The following ARPC2 variants were observed in gnomAD, a reference collection of about 807,000 sequenced individuals.
ARPC2 encodes the protein actin related protein 2/3 complex subunit 2, also known as actin-related protein 2/3 complex subunit 2.
A neutral mutation model predicts 38.6 loss-of-function variants in ARPC2; 4 were observed. The observed-to-expected ratio is 0.10, with a 90% CI of 0.05 to 0.24. The LOEUF (loss-of-function observed/expected upper bound fraction) is 0.24, where lower values mean the gene tolerates loss of function less well. Ranked by LOEUF, ARPC2 falls within the 10% of genes least tolerant of loss-of-function variation. ARPC2 has a pLI of 1.00. For synonymous variants in ARPC2, 125 were observed against 140.8 expected, an observed-to-expected ratio of 0.89 and a Z score of 0.79; for missense variants, 229 against 387.3, an observed-to-expected ratio of 0.59 and a Z score of 3.43.
At position 218,254,070 on chromosome 2, in the gene ARPC2, C is replaced by T. The variant is rs899644688; in HGVS notation, c.*155C>T. The T allele has an allele frequency of 3.6e-5, 29 of 810,656 alleles. No individual in the cohort carries two copies. Among genetic ancestry groups the T allele is most frequent in the South Asian group, 1.2e-4 (6 of 49,082 alleles). 50.2% of individuals were successfully genotyped at this position (810,656 alleles called of 1,614,324 possible). On this transcript the variant is annotated 3_prime_UTR_variant, in exon 11 of 11. Transcript: ENST00000315717. ...ACGTTTGGAAAATAATCTGCAGAAA[C>T]GAGCTGTGCTTGCAAAGACTTCATA...
chr2:218,245,832 A>T (rs12996912), intron 8 of ARPC2, among the ~76,000 whole-genome samples: 2 of 151,924 alleles, frequency 1.3e-5, no homozygotes, highest in Non-Finnish European at 2.9e-5. Flanking sequence ...GGTCCCTTCA[A>T]TAGTTCAGCT....
chr2:218,253,082 G>A (rs955237700), intron 10 of ARPC2: 53 of 434,716 alleles, frequency 1.2e-4, no homozygotes, highest in African/African-American at 7.3e-4. Context: ...AGGAACCCTC[G>A]ATGGGCCGCC....
intron 5 of ARPC2, chr2:218,236,827 TG>T (rs1689784647): frequency 6.6e-6 from 1 of 152,078 alleles, no homozygotes; most frequent in African/African-American, 2.4e-5. Context: ...GGAATGCTTT[TG>T]GGAAAAAATG....
chr2:218,234,532 A>T, intron 5 of ARPC2, 135 bp downstream of exon 5: 1 of 747,872 alleles, frequency 1.3e-6, no homozygotes, highest in South Asian at 1.9e-5. Context: ...CCTAATTTCA[A>T]CTCCGTCCAT....
intron 4 of ARPC2, among the ~76,000 whole-genome samples, chr2:218,231,927 G>A (rs72949328): frequency 0.026 from 3,680 of 142,914 alleles, 72 homozygotes; most frequent in Non-Finnish European, 0.043. Context: ...AACGTAGTGA[G>A]ACCCTGTCTT....
At chr2:218,225,868 G>C in intron 2 of ARPC2, 52 bp from the exon 3 acceptor site, 1 of 1,589,978 alleles carries the variant, frequency 6.3e-7, no homozygotes, top group South Asian at 1.1e-5. Context: ...TCCCTTTGAA[G>C]GTAAGCAGCA....
chr2:218,250,402 G>A (rs1013837326), intron 10 of ARPC2, among the ~76,000 whole-genome samples: 1 of 152,102 alleles, frequency 6.6e-6, no homozygotes, highest in East Asian at 1.9e-4. Context: ...TGTGGCTCAC[G>A]CCTGTAATCC....
chr2:218,227,057 C>T, intron 3 of ARPC2: 1 of 456,314 alleles, frequency 2.2e-6, no homozygotes, highest in Non-Finnish European at 4.4e-6. Flanking sequence ...ACAAGATGAT[C>T]TTGGAAGACT....
chr2:218,253,651 G>A (rs1690247961), intron 10 of ARPC2, among the ~76,000 whole-genome samples: 1 of 152,190 alleles, frequency 6.6e-6, no homozygotes, highest in Admixed American at 6.5e-5. Flanking sequence ...GTCCTTGTGG[G>A]CTTAACACTG....
chr2:218,227,177 G>C (rs943168522), intron 3 of ARPC2: 5 of 345,948 alleles, frequency 1.4e-5, no homozygotes, highest in Non-Finnish European at 2.4e-5. Flanking sequence ...GCTCCATAAA[G>C]TGATGGCACT....
intron 5 of ARPC2, chr2:218,236,520 C>A (rs955831506): frequency 6.6e-5 from 10 of 152,154 alleles, no homozygotes; most frequent in African/African-American, 2.2e-4. Flanking sequence ...CAGCCGGGCG[C>A]GGTGGCTTAT....
At chr2:218,246,488 C>A (rs529182701) in intron 8 of ARPC2, among the ~76,000 whole-genome samples, 8 of 152,084 alleles carry the variant, frequency 5.3e-5, no homozygotes, top group Non-Finnish European at 8.8e-5. Context: ...TGAGATCACA[C>A]CATTGCACTC....
In ARPC2 at chr2:218,239,434, A is replaced by G; in HGVS notation, c.499A>G (p.Thr167Ala). The G allele has an allele frequency of 6.2e-7, 1 of 1,614,164 alleles. No homozygotes were observed. The highest frequency in any genetic ancestry group is 8.5e-7 in the Non-Finnish European group (1 of 1,180,008). Residue 167 changes from threonine (T) to alanine (A), a missense_variant, in exon 7 of 11, where the codon ACA becomes GCA. Thr to Ala is a moderately conservative substitution (Grantham distance 58, BLOSUM62 0). This residue lies in a region of ARPC2 where 135 missense variants were observed against 214.1 expected (regional missense o/e 0.63). Transcript: ENST00000315717. ...KKDRVTVVFS[T>A]VFKDDDDVVI... Reference sequence around the variant, plus strand: ...GGACAGAGTCACAGTAGTCTTCAGCACAGTGTTTAAGGATGACGACGATGT... The same window carrying G: ...GGACAGAGTCACAGTAGTCTTCAGCGCAGTGTTTAAGGATGACGACGATGT...
intron 10 of ARPC2, among the ~76,000 whole-genome samples, chr2:218,251,208 TGTTTTTG>T (rs1266513515): frequency 6.6e-6 from 1 of 151,956 alleles, no homozygotes; most frequent in Non-Finnish European, 1.5e-5. Flanking sequence ...TTTGTTGTTT[TGTTTTTG>T]TTTTTTGTTT....
At position 218,223,673 on chromosome 2, in the gene ARPC2, G is replaced by A. The variant is rs141723678; in HGVS notation, c.75-2247G>A. Among the ~76,000 whole-genome samples the A allele has an allele frequency of 1.9e-3, 296 of 152,264 alleles. 5 individuals are homozygous for A. Among genetic ancestry groups the A allele is most frequent in the Middle Eastern group, 0.01 (3 of 294 alleles). ...TTTGTAGAAGAGGAACCTGAGGCCCGGTGACATTTGAGGAGCATTGCCTGT... is the reference window on the plus strand; with the variant it reads ...TTTGTAGAAGAGGAACCTGAGGCCCAGTGACATTTGAGGAGCATTGCCTGT... On this transcript the variant is annotated intron_variant, in intron 2 of 10. Coordinates refer to ENST00000315717, the MANE Select transcript of ARPC2 (RefSeq NM_152862.3).
chr2:218,253,056 G>A, intron 10 of ARPC2: 1 of 452,020 alleles, frequency 2.2e-6, no homozygotes, highest in Non-Finnish European at 4.5e-6. Context: ...AAGTGACTCA[G>A]CTGTGGGCAG....
chr2:218,240,037 C>T (rs530863896), intron 7 of ARPC2, among the ~76,000 whole-genome samples: 1 of 152,244 alleles, frequency 6.6e-6, no homozygotes, highest in Non-Finnish European at 1.5e-5. Flanking sequence ...TCACTGCAAC[C>T]TCCGCTTCCT....
chr2:218,245,289 A>G lies in ARPC2; in HGVS notation c.550-131A>G, dbSNP rs926663959. On this transcript the variant is annotated intron_variant, in intron 7 of 10. Coordinates refer to ENST00000315717, the MANE Select transcript of ARPC2 (RefSeq NM_152862.3). ...ACTTGTCATATTTCAGGTTTGGTGT[A>G]GTTTATTTTTAACCTCCTGCTGGTC... 7 of 1,113,088 alleles carry G rather than the reference A, an allele frequency of 6.3e-6. No individual in the cohort carries two copies. In the African/African-American group the frequency reaches 9.4e-5, roughly 15 times the overall value. 69.0% of individuals were successfully genotyped at this position (1,113,088 alleles called of 1,614,324 possible).
intron 8 of ARPC2, 75 bp from the exon 9 acceptor site, chr2:218,249,289 C>G: frequency 1.0e-6 from 1 of 984,096 alleles, no homozygotes; most frequent in Non-Finnish European, 1.6e-6. Flanking sequence ...GTGATGTTCA[C>G]TAGGCTGTTG....
Sources: gnomAD v4.1 joint callset for allele counts (sites outside exome capture counted in the v4.1 genomes callset) on GRCh38, gnomAD v4.1.1 for gene constraint, gnomAD v4.1.1 regional missense constraint, MANE v1.5 for transcripts, NCBI Gene and HGNC (gene_info 2026-07-23, HGNC 2026-07-21) for gene names.